UGT1A6: variants seen among roughly 807,000 people sequenced by gnomAD.
UGT1A6 encodes the protein UDP glucuronosyltransferase family 1 member A6, also known as UDP-glucuronosyltransferase 1A6.
UGT1A6 carries 32 observed loss-of-function variants against 44.4 expected under a neutral mutation model. The observed-to-expected ratio is 0.72, with a 90% CI of 0.54 to 0.97. The LOEUF (loss-of-function observed/expected upper bound fraction) is 0.97, where lower values mean the gene tolerates loss of function less well. Among genes scored for constraint, UGT1A6 ranks in the 50% least tolerant of loss-of-function variants. The probability of loss-of-function intolerance (pLI) is 0.00; values close to 1 mark genes in which losing one functional copy is unlikely to be tolerated. For synonymous variants in UGT1A6, 238 were observed against 248.5 expected (o/e 0.96, Z 0.40); for missense variants, 685 against 661.9 (o/e 1.03, Z -0.38).
At chr2:233,692,459 C>T (rs2075095926), upstream of UGT1A6, 1 of 156,816 alleles carries the variant, frequency 6.4e-6, no homozygotes, top group Admixed American at 6.0e-5. Context: ...CTACTACTTG[C>T]AATTGGTGTC....
chr2:233,762,669 A>T (rs1575790989), intron 1 of UGT1A6, among the ~76,000 whole-genome samples: 1 of 150,304 alleles, frequency 6.7e-6, no homozygotes, highest in Non-Finnish European at 1.5e-5. Flanking sequence ...TTTAAAAAAC[A>T]TTTGTTCTGT....
In UGT1A6 at chr2:233,772,332, G is replaced by A. The variant is rs1201825340; in HGVS notation, c.1372G>A (p.Val458Met). 10 of 1,614,084 alleles carry A rather than the reference G, an allele frequency of 6.2e-6. No individual in the cohort carries two copies. Among genetic ancestry groups the A allele is most frequent in the East Asian group, 2.2e-5 (1 of 44,892 alleles). ...DRPVEPLDLAVFWVEFVMRHK... is the reference protein window; with the variant it reads ...DRPVEPLDLAMFWVEFVMRHK... ...CCCGGTGGAGCCGCTGGACCTGGCC[G>A]TGTTCTGGGTGGAGTTTGTGATGAG... The change falls in exon 5 of 5, where the codon GTG becomes ATG. Residue 458 changes from valine (V) to methionine (M), a missense_variant. Physicochemically the swap from Val to Met is conservative, Grantham distance 21 (BLOSUM62 1). Transcript: ENST00000305139.
intron 1 of UGT1A6, among the ~76,000 whole-genome samples, chr2:233,722,679 C>T (rs2125688631): frequency 6.6e-6 from 1 of 152,152 alleles, no homozygotes; most frequent in African/African-American, 2.4e-5. Flanking sequence ...GTAAAAATTG[C>T]TGTTCTTTTC....
chr2:233,713,391 A>T (rs373895890), intron 1 of UGT1A6: 1 of 1,614,152 alleles, frequency 6.2e-7, no homozygotes, highest in South Asian at 1.1e-5. Flanking sequence ...GCTACTGCAT[A>T]ATGAGGCCCT....
chr2:233,692,928 A>G lies in UGT1A6; in HGVS notation c.-77A>G. ...ACCTGTGAAAAGCAGTGGTTAGTTT[A>G]GGGAAAATACCTAGGAGCCCTGTGA... On this transcript the variant is annotated 5_prime_UTR_variant, in exon 1 of 5. Transcript: ENST00000305139. The G allele has an allele frequency of 7.0e-6, 11 of 1,581,564 alleles. No individual in the cohort carries two copies. Among genetic ancestry groups the G allele is most frequent in the Non-Finnish European group, 9.4e-6 (11 of 1,167,714 alleles).
chr2:233,770,762 T>G (rs745553589), intron 4 of UGT1A6: 1 of 152,220 alleles, frequency 6.6e-6, no homozygotes, highest in Non-Finnish European at 1.5e-5. Flanking sequence ...AATATTACAT[T>G]ATAATAATGT....
At chr2:233,761,816 G>C (rs374860940) in intron 1 of UGT1A6, among the ~76,000 whole-genome samples, 3 of 152,178 alleles carry the variant, frequency 2.0e-5, no homozygotes, top group Admixed American at 6.5e-5. Flanking sequence ...AACAGGAGAG[G>C]CTCCTTCAGA....
At chr2:233,745,540 A>C (rs952908361) in intron 1 of UGT1A6, among the ~76,000 whole-genome samples, 1 of 151,766 alleles carries the variant, frequency 6.6e-6, no homozygotes, top group African/African-American at 2.4e-5. Flanking sequence ...TTATGTCACC[A>C]GAACAAACTT....
chr2:233,767,603 A>G (rs1699427666), intron 2 of UGT1A6, among the ~76,000 whole-genome samples: 1 of 152,166 alleles, frequency 6.6e-6, no homozygotes, highest in African/African-American at 2.4e-5. Context: ...GGAAAGTGAA[A>G]AAATCCTAAG....
intron 1 of UGT1A6, among the ~76,000 whole-genome samples, chr2:233,697,199 A>T (rs1410890710): frequency 1.3e-5 from 2 of 152,084 alleles, no homozygotes; most frequent in Admixed American, 6.5e-5. Context: ...CAGTGAATCC[A>T]TCTGGTCCTG....
chr2:233,719,094 G>T, intron 1 of UGT1A6: 7 of 1,614,206 alleles, frequency 4.3e-6, no homozygotes, highest in Non-Finnish European at 5.9e-6. Context: ...ATTTGATCGC[G>T]TTACGCTGGG....
intron 1 of UGT1A6, among the ~76,000 whole-genome samples, chr2:233,724,753 G>A (rs1402032405): frequency 3.5e-5 from 5 of 143,708 alleles, no homozygotes; most frequent in African/African-American, 1.1e-4. Context: ...CATCCCAGAC[G>A]ATGGGCGGCC....
chr2:233,721,911 G>GGAA, intron 1 of UGT1A6: 1 of 435,688 alleles, frequency 2.3e-6, no homozygotes, highest in Non-Finnish European at 4.6e-6. Flanking sequence ...GGTGCACACT[G>GGAA]CTTCCATAAA....
At chr2:233,712,850 A>C in intron 1 of UGT1A6, 1 of 1,537,004 alleles carries the variant, frequency 6.5e-7, no homozygotes, top group Non-Finnish European at 8.8e-7. Flanking sequence ...AACGGGTAAT[A>C]AGTAACTGGA....
chr2:233,722,001 G>C, intron 1 of UGT1A6: 1 of 262,504 alleles, frequency 3.8e-6, no homozygotes. Context: ...TGTCCTTTAA[G>C]TGAACAGGAA....
At position 233,719,215 on chromosome 2, in the gene UGT1A6, T is replaced by C. The variant is rs72551337; in HGVS notation, c.861+25350T>C. ...CTTCATAGGTGTTGTGTGGAGCTAC[T>C]GCATAATGAGGCCCTGATCAGGCAC... On this transcript the variant is annotated intron_variant, in intron 1 of 4. Coordinates refer to ENST00000305139, the MANE Select transcript of UGT1A6 (RefSeq NM_001072.4). The C allele has an allele frequency of 1.5e-5, 25 of 1,614,228 alleles. No individual in the cohort carries two copies. In the East Asian group the frequency reaches 2.9e-4, roughly 19 times the overall value.
At chr2:233,719,047 C>A in intron 1 of UGT1A6, 2 of 1,614,252 alleles carry the variant, frequency 1.2e-6, no homozygotes, top group Non-Finnish European at 1.7e-6. Flanking sequence ...AAATTTTTCA[C>A]CCTGACAGCC....
intron 1 of UGT1A6, among the ~76,000 whole-genome samples, chr2:233,695,260 G>A (rs2075276345): frequency 6.6e-6 from 1 of 151,658 alleles, no homozygotes; most frequent in Non-Finnish European, 1.5e-5. Context: ...TGAGTAGCTG[G>A]GACTATAGGC....
At chr2:233,742,734 T>C (rs1156368500) in intron 1 of UGT1A6, 3 of 152,940 alleles carry the variant, frequency 2.0e-5, no homozygotes, top group Non-Finnish European at 4.4e-5. Flanking sequence ...GGGATTCAAA[T>C]GTCTGACCTC....
Sources: allele counts gnomAD v4.1 joint callset (sites outside exome capture counted in the v4.1 genomes callset), GRCh38; gene constraint gnomAD v4.1.1; transcripts MANE v1.5; gene names NCBI Gene and HGNC (gene_info 2026-07-23, HGNC 2026-07-21).